The following PRADC1 variants were observed in gnomAD, a reference collection of about 807,000 sequenced individuals.
PRADC1 encodes the protein protease-associated domain-containing protein 1.
PRADC1 carries 23 observed loss-of-function variants against 22.9 expected under a neutral mutation model. That is an observed-to-expected ratio of 1.00 (90% CI 0.72 to 1.42). The LOEUF is 1.42. PRADC1 is among the 40% of genes most tolerant of loss of function. The pLI, the probability that PRADC1 is intolerant of heterozygous loss-of-function variation, is 0.00. For synonymous variants in PRADC1, 71 were observed against 100.3 expected, an observed-to-expected ratio of 0.71 and a Z score of 1.75; for missense variants, 207 against 258.3, an observed-to-expected ratio of 0.80 and a Z score of 1.36.
intron 1 of PRADC1, among the ~76,000 whole-genome samples, chr2:73,231,721 C>T (rs1686643444): frequency 6.6e-6 from 1 of 151,974 alleles, no homozygotes; most frequent in South Asian, 2.1e-4. Context: ...TACCAAAGTC[C>T]TGGGATTACA....
rs1187710906 is a variant in PRADC1 at position 73,229,109 on chromosome 2, A to T, written c.279-147T>A. On this transcript the variant is annotated intron_variant, in intron 3 of 4. Transcript: ENST00000258083. Reference sequence around the variant, plus strand: ...ATAGCTAAAAGCATGGATAATTTAAATACATTTCTTTTTCCTTTTTCTTTT... The same window carrying T: ...ATAGCTAAAAGCATGGATAATTTAATTACATTTCTTTTTCCTTTTTCTTTT... 7.7e-6 allele frequency: 6 copies of T among 774,318 alleles called. No homozygotes were observed. The East Asian group carries it at 1.4e-4, about 18-fold the overall frequency. The allele number at this position is 774,318 out of a possible 1,614,324, so 48.0% of individuals were successfully genotyped here. A position where few individuals can be genotyped will look rare whatever the true frequency, so the allele number is the denominator to read the frequency against.
chr2:73,231,193 C>T (rs1336991271), intron 1 of PRADC1, among the ~76,000 whole-genome samples: 3 of 152,206 alleles, frequency 2.0e-5, no homozygotes, highest in African/African-American at 4.8e-5. Flanking sequence ...GATCTAGGCT[C>T]GCTGCAAGCT....
chr2:73,233,248 C>G (rs1467082780), upstream of PRADC1: 19 of 894,520 alleles, frequency 2.1e-5, no homozygotes, highest in South Asian at 4.2e-4. Flanking sequence ...ACAGCTGCTC[C>G]GGCCTCCCGC....
chr2:73,229,709 T>C, intron 2 of PRADC1, 139 bp from the exon 3 acceptor site: 2 of 672,474 alleles, frequency 3.0e-6, no homozygotes, highest in Non-Finnish European at 5.2e-6. Flanking sequence ...GCCAGACACT[T>C]AAACATTTTT....
intron 1 of PRADC1, among the ~76,000 whole-genome samples, chr2:73,231,088 C>T (rs1283867709): frequency 6.6e-6 from 1 of 152,250 alleles, no homozygotes; most frequent in Non-Finnish European, 1.5e-5. Context: ...GGACTTTCAA[C>T]ATAATTTGTA....
At position 73,233,224 on chromosome 2, in the gene PRADC1, A is replaced by G; in HGVS notation, c.-64T>C. On this transcript the variant is annotated 5_prime_UTR_variant, in exon 1 of 5. Coordinates refer to ENST00000258083, the MANE Select transcript of PRADC1 (RefSeq NM_032319.3). Reference sequence around the variant, plus strand: ...CGCCGCCCCGCCGCGCGTCGCTCGCAGGACTTCAGCCTGACAGCTGCTCCG... The same window carrying G: ...CGCCGCCCCGCCGCGCGTCGCTCGCGGGACTTCAGCCTGACAGCTGCTCCG... 1 of 1,128,222 alleles carries G rather than the reference A, an allele frequency of 8.9e-7. No individual in the cohort carries two copies. The allele number at this position is 1,128,222 out of a possible 1,614,324, so 69.9% of individuals were successfully genotyped here.
intron 2 of PRADC1, 22 bp from the exon 3 acceptor site, chr2:73,229,592 G>T: frequency 6.3e-7 from 1 of 1,586,158 alleles, no homozygotes. Flanking sequence ...TTAACATTTG[G>T]ACAGGTGAGA....
chr2:73,231,684 A>G (rs1209627733), intron 1 of PRADC1, among the ~76,000 whole-genome samples: 2 of 143,888 alleles, frequency 1.4e-5, no homozygotes, highest in Admixed American at 7.0e-5. Flanking sequence ...CCTTGTTGCC[A>G]GGGCTTGTGA....
Position 73,228,545 on chromosome 2 carries a change from T to C in PRADC1, c.476A>G (p.His159Arg). ...GGAAATGATGGCCCATGGCAGCCCA[T>C]GCTGTTCCAGAGAGCGGCGGATCAT... Reference protein sequence around the residue: ...GYMIRRSLEQHGLPWAIISIP... With the variant: ...GYMIRRSLEQRGLPWAIISIP... Residue 159 changes from histidine to arginine, a missense_variant, in exon 5 of 5, where the codon CAT becomes CGT. Coordinates refer to ENST00000258083, the MANE Select transcript of PRADC1 (RefSeq NM_032319.3). This position sits in a 1 kb window ranked among gnomAD's most constrained non-coding sequence, Gnocchi z 4.0. 2 of 1,614,146 alleles carry C rather than the reference T, an allele frequency of 1.2e-6. No homozygotes were observed. The highest frequency in any genetic ancestry group is 1.7e-5 in the Admixed American group (1 of 60,016).
chr2:73,228,470 G>T lies in PRADC1; in HGVS notation c.551C>A (p.Pro184His), dbSNP rs1464735108. ...SIPTFELLQP[P>H]WTFW is the part of the protein sequence containing the mutation. ...CAAACTCTTCTACCAGAAGGTCCAG[G>T]GCGGTTGCAGCAGCTCAAAGGTGGG... Residue 184 changes from proline (P) to histidine (H), a missense_variant, in exon 5 of 5, where the codon CCC becomes CAC. By Grantham distance (77) the Pro-to-His change is moderately conservative (BLOSUM62 -2). Coordinates refer to ENST00000258083, the MANE Select transcript of PRADC1 (RefSeq NM_032319.3). The surrounding 1 kb of genome is among the most constrained non-coding windows in gnomAD (Gnocchi z 4.0). 6.2e-7 allele frequency: 1 copy of T among 1,614,170 alleles called. No homozygotes were observed. Among genetic ancestry groups the T allele is most frequent in the Non-Finnish European group, 8.5e-7 (1 of 1,180,024 alleles).
At chr2:73,230,772 CTT>C (rs1230364791) in intron 1 of PRADC1, among the ~76,000 whole-genome samples, 5 of 152,358 alleles carry the variant, frequency 3.3e-5, no homozygotes, top group Non-Finnish European at 7.3e-5. Context: ...AATTTAAACT[CTT>C]TTTAAACTGT....
At chr2:73,229,639 C>A in intron 2 of PRADC1, 69 bp from the exon 3 acceptor site, 1 of 1,195,396 alleles carries the variant, frequency 8.4e-7, no homozygotes, top group East Asian at 2.3e-5. Flanking sequence ...ACTGGGCTGA[C>A]AATCCCATCT....
At position 73,228,319 on chromosome 2, in the gene PRADC1, C is replaced by G; in HGVS notation, c.*135G>C. ...TGGTGTGGCTTCCCTTTCAGCCTAG[C>G]AACGCCCAAACCCTTTTCCTCTACC... On this transcript the variant is annotated 3_prime_UTR_variant, in exon 5 of 5. Coordinates refer to ENST00000258083, the MANE Select transcript of PRADC1 (RefSeq NM_032319.3). The surrounding 1 kb of genome is among the most constrained non-coding windows in gnomAD (Gnocchi z 4.0). The G allele has an allele frequency of 1.8e-6, 2 of 1,136,442 alleles. No individual in the cohort carries two copies. Among genetic ancestry groups the G allele is most frequent in the Non-Finnish European group, 2.5e-6 (2 of 793,830 alleles). 70.4% of individuals were successfully genotyped at this position (1,136,442 alleles called of 1,614,324 possible).
At chr2:73,229,723 T>A in intron 2 of PRADC1, 153 bp from the exon 3 acceptor site, 1 of 647,454 alleles carries the variant, frequency 1.5e-6, no homozygotes, top group Middle Eastern at 3.4e-4. Context: ...CATTTTTACT[T>A]AATTCTCGCA....
upstream of PRADC1, chr2:73,233,244 G>A (rs568093558): frequency 2.4e-4 from 221 of 937,960 alleles, 2 homozygotes; most frequent in East Asian, 5.6e-3. Context: ...CCTGACAGCT[G>A]CTCCGGCCTC....
At chr2:73,230,406 A>G (rs1289850421) in intron 1 of PRADC1, among the ~76,000 whole-genome samples, 193 bp from the exon 2 acceptor site, 3 of 152,220 alleles carry the variant, frequency 2.0e-5, no homozygotes, top group Non-Finnish European at 4.4e-5. Flanking sequence ...GTTGATGCAG[A>G]GTCATTAACC....
At chr2:73,229,867 G>A (rs779792490) in intron 2 of PRADC1, 9 of 585,642 alleles carry the variant, frequency 1.5e-5, no homozygotes, top group Non-Finnish European at 2.7e-5. Flanking sequence ...GAGGAAGCTG[G>A]TGCTCTTGGC....
intron 3 of PRADC1, 101 bp from the exon 4 acceptor site, chr2:73,229,063 G>A: frequency 3.0e-6 from 3 of 1,004,612 alleles, no homozygotes; most frequent in Non-Finnish European, 4.5e-6. Context: ...TGAAGAATCT[G>A]TTATAAAGGC....
chr2:73,233,279 C>A (rs780016288), upstream of PRADC1: 375 of 629,104 alleles, frequency 6.0e-4, 1 homozygote, highest in Middle Eastern at 8.9e-4. Context: ...GCTCTCGCCG[C>A]GGGCTGGACG....
Sources: allele counts gnomAD v4.1 joint callset (sites outside exome capture counted in the v4.1 genomes callset), GRCh38; gene constraint gnomAD v4.1.1; non-coding constraint Gnocchi (gnomAD v3.1); transcripts MANE v1.5; gene names NCBI Gene and HGNC (gene_info 2026-07-23, HGNC 2026-07-21).